AGBL1: variants seen among roughly 807,000 people sequenced by gnomAD.
AGBL1 encodes the protein AGBL carboxypeptidase 1, also known as cytosolic carboxypeptidase 4.
A neutral mutation model predicts 118.9 loss-of-function variants in AGBL1; 130 were observed. The observed-to-expected ratio is 1.09, with a 90% confidence interval of 0.95 to 1.26. AGBL1 has a LOEUF of 1.26. Ranked by LOEUF, AGBL1 falls within the 50% of genes most tolerant of loss-of-function variation. The pLI is 0.00. For synonymous variants in AGBL1, 555 were observed against 478.9 expected (o/e 1.16, Z -2.08); for missense variants, 1,584 against 1,298.1 (o/e 1.22, Z -3.38).
intron 17 of AGBL1, among the ~76,000 whole-genome samples, chr15:86,307,749 G>A (rs899372461): frequency 2.0e-5 from 3 of 151,686 alleles, no homozygotes; most frequent in Admixed American, 6.6e-5. Context: ...AAAAAAATTA[G>A]GTCTTCTCTA....
intron 21 of AGBL1, among the ~76,000 whole-genome samples, chr15:86,623,920 C>T (rs1272829326): frequency 5.9e-5 from 9 of 152,192 alleles, no homozygotes; most frequent in East Asian, 3.8e-4. Context: ...TAGATGCAAT[C>T]TCATTCTAGT....
intron 18 of AGBL1, among the ~76,000 whole-genome samples, chr15:86,419,160 G>C (rs536077764): frequency 1.3e-4 from 19 of 151,858 alleles, no homozygotes; most frequent in Non-Finnish European, 2.1e-4. Flanking sequence ...AATTTGGGGG[G>C]TGGCTGGCAA....
chr15:86,152,289 C>T (rs936202402), intron 3 of AGBL1, among the ~76,000 whole-genome samples: 1 of 152,098 alleles, frequency 6.6e-6, no homozygotes, highest in Non-Finnish European at 1.5e-5. Flanking sequence ...CTACAGTAAC[C>T]AAAACAGCAT....
intron 22 of AGBL1, among the ~76,000 whole-genome samples, chr15:86,883,542 C>G (rs1376331343): frequency 1.3e-5 from 2 of 152,162 alleles, no homozygotes; most frequent in Non-Finnish European, 2.9e-5. Flanking sequence ...GTTACTGATT[C>G]CATCTGCTGA....
chr15:86,101,503 C>T (rs1260440993), intron 1 of AGBL1, among the ~76,000 whole-genome samples: 3 of 151,872 alleles, frequency 2.0e-5, no homozygotes, highest in Non-Finnish European at 4.4e-5. Flanking sequence ...TAGAATCTAC[C>T]TGTTCTTTTA....
intron 21 of AGBL1, among the ~76,000 whole-genome samples, chr15:86,665,364 T>TGTG (rs368104315): frequency 1.6e-4 from 24 of 152,044 alleles, no homozygotes; most frequent in Non-Finnish European, 2.8e-4. Flanking sequence ...CTGCAGTCTA[T>TGTG]CATTTTGCCA....
chr15:86,614,924 G>T (rs1330611007), intron 21 of AGBL1, among the ~76,000 whole-genome samples: 1 of 152,218 alleles, frequency 6.6e-6, no homozygotes, highest in African/African-American at 2.4e-5. Flanking sequence ...ACCAAACTGG[G>T]TGTGGAGTTG....
In AGBL1 at chr15:86,243,511, G is replaced by A. The variant is rs116073573; in HGVS notation, c.527-4160G>A. 3.3e-3 allele frequency among the ~76,000 whole-genome samples: 510 copies of A among 152,294 alleles called. 2 individuals are homozygous for A. Among genetic ancestry groups the A allele is most frequent in the African/African-American group, 0.012 (491 of 41,560 alleles). ...AGGTGAGGACAGAGATAAATCTCCT[G>A]TTGTTCATGGATTTGCCAAAGGAAA... On this transcript the variant is annotated intron_variant, in intron 6 of 22. Coordinates refer to ENST00000614907, the MANE Select transcript of AGBL1 (RefSeq NM_001386094.1).
chr15:86,682,729 T>C (rs1039362536), intron 22 of AGBL1, among the ~76,000 whole-genome samples: 2 of 152,178 alleles, frequency 1.3e-5, no homozygotes, highest in African/African-American at 4.8e-5. Flanking sequence ...ATTAATTTTC[T>C]GAATTACTAT....
At chr15:86,802,462 C>G (rs2078663632) in intron 22 of AGBL1, among the ~76,000 whole-genome samples, 1 of 152,096 alleles carries the variant, frequency 6.6e-6, no homozygotes. Flanking sequence ...TGCACCTGTT[C>G]CTCAAATCAC....
chr15:86,883,922 G>C (rs759417373), intron 22 of AGBL1, among the ~76,000 whole-genome samples: 2 of 152,102 alleles, frequency 1.3e-5, no homozygotes, highest in Non-Finnish European at 2.9e-5. Flanking sequence ...TCCTTTCCAT[G>C]AGGGATAAGT....
chr15:86,740,977 C>G (rs894694560), intron 22 of AGBL1, among the ~76,000 whole-genome samples: 4 of 152,078 alleles, frequency 2.6e-5, no homozygotes, highest in East Asian at 1.9e-4. Context: ...TCAACCTCCT[C>G]TCTCTCAGAG....
intron 22 of AGBL1, among the ~76,000 whole-genome samples, chr15:86,816,253 A>G (rs1164636682): frequency 6.6e-6 from 1 of 152,250 alleles, no homozygotes; most frequent in Admixed American, 6.5e-5. Context: ...AAAAGGACCA[A>G]GAGAGCCTTC....
At chr15:86,325,359 T>A (rs2080168741) in intron 17 of AGBL1, among the ~76,000 whole-genome samples, 1 of 152,118 alleles carries the variant, frequency 6.6e-6, no homozygotes, top group Admixed American at 6.5e-5. Context: ...AGGAACTAGT[T>A]GTAGTGGGAA....
In AGBL1 at chr15:86,264,855, C is replaced by T; in HGVS notation, c.1667+17C>T. ...AGTCCAAAGGTGATGGCGCTACTGA[C>T]TTGGGAGCTCTTTTTTTCTGTTCTT... On this transcript the variant is annotated intron_variant, in intron 11 of 22. Transcript: ENST00000614907. 1.3e-6 allele frequency: 2 copies of T among 1,545,712 alleles called. No homozygotes were observed. Among genetic ancestry groups the T allele is most frequent in the East Asian group, 2.3e-5 (1 of 44,360 alleles).
intron 14 of AGBL1, 120 bp from the exon 15 acceptor site, chr15:86,271,499 G>T: frequency 2.6e-6 from 2 of 777,616 alleles, no homozygotes; most frequent in South Asian, 1.6e-5. Flanking sequence ...TCTCTTTGGC[G>T]ATATATAGTT....
At chr15:86,226,697 T>C (rs969651179) in intron 6 of AGBL1, among the ~76,000 whole-genome samples, 1 of 152,208 alleles carries the variant, frequency 6.6e-6, no homozygotes, top group Non-Finnish European at 1.5e-5. Context: ...ACACCAGCCA[T>C]GCCTAGTAGG....
At chr15:86,836,328 C>G (rs1447711872) in intron 22 of AGBL1, among the ~76,000 whole-genome samples, 1 of 152,084 alleles carries the variant, frequency 6.6e-6, no homozygotes, top group Non-Finnish European at 1.5e-5. Flanking sequence ...GTTAAGATAA[C>G]AAAGAACCAG....
intron 1 of AGBL1, among the ~76,000 whole-genome samples, chr15:86,100,230 A>G (rs1896631761): frequency 1.3e-5 from 2 of 152,174 alleles, no homozygotes; most frequent in Non-Finnish European, 2.9e-5. Flanking sequence ...TGTTAGATTT[A>G]GTAAGCTAGC....
Sources: allele counts gnomAD v4.1 joint callset (sites outside exome capture counted in the v4.1 genomes callset), GRCh38; gene constraint gnomAD v4.1.1; transcripts MANE v1.5; gene names NCBI Gene and HGNC (gene_info 2026-07-23, HGNC 2026-07-21).